Variants in PTPRN2 observed in about 807,000 individuals in gnomAD.
PTPRN2 encodes protein tyrosine phosphatase receptor type N2, also known as receptor-type tyrosine-protein phosphatase N2.
PTPRN2 carries 74 observed loss-of-function variants against 118.8 expected under a neutral mutation model. That is an observed-to-expected ratio of 0.62 (90% confidence interval 0.52 to 0.76). The LOEUF (loss-of-function observed/expected upper bound fraction) is 0.76. Ranked by LOEUF, PTPRN2 falls within the 30% of genes least tolerant of loss-of-function variation. PTPRN2 has a pLI of 0.00. For missense variants in PTPRN2, 1,481 were observed against 1,394.4 expected (o/e 1.06, Z -0.99); for synonymous variants, 641 against 608.0 (o/e 1.05, Z -0.80).
intron 3 of PTPRN2, among the ~76,000 whole-genome samples, chr7:158,280,543 A>G (rs1386521406): frequency 2.0e-5 from 3 of 151,980 alleles, no homozygotes; most frequent in African/African-American, 7.3e-5. Context: ...GTCTTTGAAG[A>G]CCTTTCATAG....
intron 11 of PTPRN2, among the ~76,000 whole-genome samples, chr7:158,039,687 T>C (rs1376362199): frequency 2.0e-5 from 3 of 152,222 alleles, no homozygotes; most frequent in Non-Finnish European, 2.9e-5. Context: ...TCTGCCTCAG[T>C]TTCTTTTATC....
rs2150631989 is a variant in PTPRN2, at chr7:157,619,570, A to C, written c.2344+1792T>G. 6.6e-6 allele frequency among the ~76,000 whole-genome samples: 1 copy of C among 152,354 alleles called. No homozygotes were observed. The highest frequency in any genetic ancestry group is 1.9e-4 in the East Asian group (1 of 5,180). On this transcript the variant is annotated intron_variant, in intron 15 of 22. Coordinates refer to ENST00000389418, the MANE Select transcript of PTPRN2 (RefSeq NM_002847.5). This position sits in a 1 kb window ranked among gnomAD's most constrained non-coding sequence, Gnocchi z 5.3. ...TGTATTTTGCTTTTCTTCTAAATAT[A>C]AAATTTATAAATCACACAGCTTCTG...
intron 15 of PTPRN2, chr7:157,614,026 G>A (rs778855938): frequency 7.4e-5 from 35 of 471,188 alleles, no homozygotes; most frequent in African/African-American, 5.2e-4. Flanking sequence ...CACAAGCAAC[G>A]GGATGCCTTG....
chr7:158,271,316 A>C (rs898879077), intron 3 of PTPRN2, among the ~76,000 whole-genome samples: 1 of 152,232 alleles, frequency 6.6e-6, no homozygotes, highest in African/African-American at 2.4e-5. Context: ...CTCTCCACAC[A>C]CTGCATAATT....
intron 2 of PTPRN2, among the ~76,000 whole-genome samples, chr7:158,346,195 G>A (rs991146470): frequency 2.0e-5 from 3 of 152,174 alleles, no homozygotes; most frequent in Admixed American, 2.0e-4. Flanking sequence ...GCAGTTTTGA[G>A]ATGTATAACC....
intron 2 of PTPRN2, among the ~76,000 whole-genome samples, chr7:158,319,454 A>AGCCTCCCT (rs1802660040): frequency 8.7e-6 from 1 of 114,596 alleles, no homozygotes; most frequent in African/African-American, 3.8e-5. Context: ...TCACACACGC[A>AGCCTCCCT]CACAGCCTCC....
intron 2 of PTPRN2, among the ~76,000 whole-genome samples, chr7:158,357,830 C>T (rs771473022): frequency 1.3e-5 from 2 of 152,180 alleles, no homozygotes; most frequent in African/African-American, 2.4e-5. Context: ...GGGACAGTGG[C>T]GGCTCTCAGA....
At chr7:157,646,636 T>C (rs1805091722) in intron 14 of PTPRN2, among the ~76,000 whole-genome samples, 1 of 152,158 alleles carries the variant, frequency 6.6e-6, no homozygotes, top group South Asian at 2.1e-4. Flanking sequence ...CAGGGGAGGC[T>C]GGGTCCCACT....
At chr7:158,530,316 A>G (rs915235579) in intron 1 of PTPRN2, among the ~76,000 whole-genome samples, 2 of 152,238 alleles carry the variant, frequency 1.3e-5, no homozygotes, top group African/African-American at 4.8e-5. Flanking sequence ...TTTCTCTTCA[A>G]TACTGATGCT....
At chr7:157,979,801 G>A (rs563122904) in intron 11 of PTPRN2, among the ~76,000 whole-genome samples, 15 of 152,352 alleles carry the variant, frequency 9.8e-5, no homozygotes, top group East Asian at 5.8e-4. Context: ...AATACAGTGC[G>A]TGATGCACAG....
intron 3 of PTPRN2, among the ~76,000 whole-genome samples, chr7:158,235,737 G>A (rs971825091): frequency 3.9e-5 from 6 of 152,178 alleles, no homozygotes; most frequent in African/African-American, 1.2e-4. Flanking sequence ...AAAGAGAACA[G>A]CTTGACTGTT....
chr7:158,378,675 C>G (rs975708614), intron 2 of PTPRN2, among the ~76,000 whole-genome samples: 4 of 150,034 alleles, frequency 2.7e-5, no homozygotes, highest in Admixed American at 6.6e-5. Context: ...GTCCAGCACA[C>G]TCCAGGGTCC....
intron 11 of PTPRN2, among the ~76,000 whole-genome samples, chr7:158,065,379 C>T (rs897020256): frequency 3.3e-5 from 5 of 152,250 alleles, no homozygotes; most frequent in Non-Finnish European, 5.9e-5. Context: ...CTACCGAAGA[C>T]TTACTCCAAA....
intron 12 of PTPRN2, among the ~76,000 whole-genome samples, chr7:157,870,174 C>G (rs149113466): frequency 3.9e-5 from 6 of 152,262 alleles, no homozygotes; most frequent in African/African-American, 1.4e-4. Flanking sequence ...AAAGTTTGCT[C>G]AACTTTAATT....
chr7:157,982,062 GGAGGGGAA>G (rs1226402411), intron 11 of PTPRN2, among the ~76,000 whole-genome samples: 2 of 149,748 alleles, frequency 1.3e-5, no homozygotes, highest in Non-Finnish European at 3.0e-5. Flanking sequence ...ATAGAGATGA[GGAGGGGAA>G]TGCAGAGTGC....
chr7:157,907,810 C>T (rs914953557), intron 11 of PTPRN2, among the ~76,000 whole-genome samples: 2 of 152,266 alleles, frequency 1.3e-5, no homozygotes, highest in South Asian at 2.1e-4. Flanking sequence ...TGTGTTCAGT[C>T]CTCAGGCCCT....
intron 12 of PTPRN2, among the ~76,000 whole-genome samples, chr7:157,848,773 G>A (rs192723640): frequency 7.9e-4 from 121 of 152,338 alleles, no homozygotes; most frequent in African/African-American, 2.7e-3. Flanking sequence ...CCACAGGAAC[G>A]CTTGTCCTGA....
At chr7:158,314,041 A>G (rs867398047) in intron 3 of PTPRN2, among the ~76,000 whole-genome samples, 5 of 152,246 alleles carry the variant, frequency 3.3e-5, no homozygotes, top group African/African-American at 9.6e-5. Context: ...ACTAGCTCCC[A>G]TGACAAGGGA....
intron 12 of PTPRN2, among the ~76,000 whole-genome samples, chr7:157,772,167 G>C (rs1328672266): frequency 2.5e-5 from 3 of 120,858 alleles, no homozygotes; most frequent in African/African-American, 6.6e-5. Context: ...ACACACACAG[G>C]CACAGACATA....
Sources: allele counts gnomAD v4.1 joint callset (sites outside exome capture counted in the v4.1 genomes callset), GRCh38; gene constraint gnomAD v4.1.1; non-coding constraint Gnocchi (gnomAD v3.1); transcripts MANE v1.5; gene names NCBI Gene and HGNC (gene_info 2026-07-23, HGNC 2026-07-21).